Variants in UTRN observed in about 807,000 individuals in gnomAD.
UTRN encodes the protein dystrophin-related protein 1.
UTRN carries 283 observed loss-of-function variants against 463.9 expected under a neutral mutation model. The observed-to-expected ratio is 0.61, with a 90% confidence interval of 0.55 to 0.67. The LOEUF is 0.67. Ranked by LOEUF, UTRN falls within the 30% of genes least tolerant of loss-of-function variation. The pLI, the probability that UTRN is intolerant of heterozygous loss-of-function variation, is 0.00. For missense variants in UTRN, 3,922 were observed against 4,084.3 expected (o/e 0.96, Z 1.08); for synonymous variants, 1,442 against 1,431.5 (o/e 1.01, Z -0.17).
chr6:144,727,944 A>G (rs1788069027), intron 53 of UTRN, among the ~76,000 whole-genome samples: 1 of 152,012 alleles, frequency 6.6e-6, no homozygotes, highest in Non-Finnish European at 1.5e-5. Context: ...TATTAAAAGT[A>G]GAAAAATTAG....
intron 51 of UTRN, among the ~76,000 whole-genome samples, chr6:144,653,765 C>T (rs1156331624): frequency 1.3e-5 from 2 of 152,072 alleles, no homozygotes; most frequent in Non-Finnish European, 2.9e-5. Context: ...CACATGTTTG[C>T]AAATTCCTAG....
intron 61 of UTRN, 30 bp downstream of exon 61, chr6:144,782,153 C>A: frequency 6.6e-7 from 1 of 1,513,714 alleles, no homozygotes; most frequent in South Asian, 1.3e-5. Context: ...CATTAAAATA[C>A]GATCACTGAA....
Position 144,463,818 on chromosome 6 carries a change from A to C in UTRN, c.3066+952A>C, listed in dbSNP as rs374644204. ...TATCTCTGTATATCTATCTATCTAT[A>C]TATATAGATAGATAGATTCTCTTGG... is the stretch of plus-strand genomic sequence containing the variant. On this transcript the variant is annotated intron_variant, in intron 23 of 74. Transcript: ENST00000367545. Among the ~76,000 whole-genome samples, 41 of 151,716 alleles carry C rather than the reference A, an allele frequency of 2.7e-4. 1 individual carries two copies. The highest frequency in any genetic ancestry group is 8.3e-4 in the South Asian group (4 of 4,814).
intron 5 of UTRN, 45 bp from the exon 6 acceptor site, chr6:144,423,941 G>C (rs1306605493): frequency 3.2e-6 from 5 of 1,584,686 alleles, no homozygotes; most frequent in Non-Finnish European, 4.3e-6. Context: ...TGAAGAAATT[G>C]TCTTAAAAGC....
intron 34 of UTRN, among the ~76,000 whole-genome samples, chr6:144,503,833 A>G (rs947344606): frequency 3.3e-5 from 5 of 152,028 alleles, no homozygotes; most frequent in African/African-American, 1.2e-4. Context: ...AATTACTTTG[A>G]GCAGTATGGC....
intron 65 of UTRN, 29 bp from the exon 66 acceptor site, chr6:144,820,853 G>T: frequency 6.3e-7 from 1 of 1,598,862 alleles, no homozygotes; most frequent in South Asian, 1.1e-5. Flanking sequence ...ATTTTACTGA[G>T]AGAAGTGTAA....
chr6:144,423,100 G>C (rs1316408813), intron 4 of UTRN, among the ~76,000 whole-genome samples: 1 of 152,216 alleles, frequency 6.6e-6, no homozygotes, highest in Non-Finnish European at 1.5e-5. Flanking sequence ...GAATAAAGAG[G>C]ACACAATTTC....
chr6:144,412,805 C>T (rs933191119), intron 3 of UTRN, among the ~76,000 whole-genome samples: 11 of 150,190 alleles, frequency 7.3e-5, no homozygotes, highest in Non-Finnish European at 1.3e-4. Flanking sequence ...AACAATGGGA[C>T]TGGTAATTGA....
intron 53 of UTRN, among the ~76,000 whole-genome samples, chr6:144,715,696 C>CCCCCT (rs1183070216): frequency 1.4e-5 from 2 of 138,122 alleles, no homozygotes. Context: ...TCTCTCTTCC[C>CCCCCT]CCCCCACCCT....
Position 144,688,165 on chromosome 6 carries a change from A to G in UTRN, c.7652+9587A>G, listed in dbSNP as rs894112136. Among the ~76,000 whole-genome samples, 4 of 152,204 alleles carry G rather than the reference A, an allele frequency of 2.6e-5. No homozygotes were observed. The East Asian group carries it at 7.7e-4, about 29-fold the overall frequency. ...TTCTTTCTTATACTTAGTCTAATCT[A>G]TTAAAACTTTCCACTGCGTTTTGTA... is the stretch of plus-strand genomic sequence containing the variant. On this transcript the variant is annotated intron_variant, in intron 52 of 74. Transcript: ENST00000367545.
At chr6:144,346,875 C>CATCTATCT (rs5880591) in intron 2 of UTRN, among the ~76,000 whole-genome samples, 8,629 of 151,162 alleles carry the variant, frequency 0.057, 683 homozygotes, top group African/African-American at 0.18. Flanking sequence ...ATCTATGTAT[C>CATCTATCT]ATCTATCTAT....
chr6:144,411,605 T>C (rs534848173), intron 3 of UTRN, among the ~76,000 whole-genome samples: 188 of 152,312 alleles, frequency 1.2e-3, no homozygotes, highest in African/African-American at 4.1e-3. Context: ...TGACTTGTGA[T>C]TCCCTGAAAG....
At chr6:144,775,567 A>G (rs1244067558) in intron 60 of UTRN, among the ~76,000 whole-genome samples, 8 of 152,164 alleles carry the variant, frequency 5.3e-5, no homozygotes, top group Non-Finnish European at 1.0e-4. Flanking sequence ...GAGAATAGGA[A>G]GTAAATTACG....
intron 41 of UTRN, among the ~76,000 whole-genome samples, chr6:144,526,652 T>C (rs1796593989): frequency 1.3e-5 from 2 of 152,132 alleles, no homozygotes; most frequent in Admixed American, 6.5e-5. Context: ...CCGTATCTTT[T>C]AAATGAAGCA....
At chr6:144,580,162 A>C (rs1332850866) in intron 51 of UTRN, among the ~76,000 whole-genome samples, 1 of 152,178 alleles carries the variant, frequency 6.6e-6, no homozygotes, top group Non-Finnish European at 1.5e-5. Flanking sequence ...TGTTGGAGAA[A>C]ATGACTGTAC....
chr6:144,628,656 C>A (rs144371470), intron 51 of UTRN, among the ~76,000 whole-genome samples: 4 of 152,264 alleles, frequency 2.6e-5, no homozygotes, highest in Non-Finnish European at 4.4e-5. Flanking sequence ...TAACTCATAT[C>A]CTAAATAGAA....
chr6:144,499,309 TGAA>T lies in UTRN; in HGVS notation c.4650_4652del (p.Lys1551del). The T allele has an allele frequency of 6.2e-7, 1 of 1,613,442 alleles. No individual in the cohort carries two copies. Among genetic ancestry groups the T allele is most frequent in the Non-Finnish European group, 8.5e-7 (1 of 1,179,608 alleles). On this transcript the variant is annotated inframe_deletion, in exon 34 of 75. Coordinates refer to ENST00000367545, the MANE Select transcript of UTRN (RefSeq NM_007124.3). Reference sequence around the variant, plus strand: ...AGAGCATCACAGTTGGCCCGGAAAATGAAGAAAGAGGCTGCTTCTCTCTCTGAA... The same window carrying T: ...AGAGCATCACAGTTGGCCCGGAAAATGAAAGAGGCTGCTTCTCTCTCTGAA...
intron 53 of UTRN, among the ~76,000 whole-genome samples, chr6:144,725,663 G>A (rs1787794695): frequency 6.6e-6 from 1 of 152,192 alleles, no homozygotes; most frequent in Non-Finnish European, 1.5e-5. Context: ...TGTTCACCAG[G>A]TGGTTGGGAA....
At chr6:144,408,038 G>A (rs916424793) in intron 3 of UTRN, among the ~76,000 whole-genome samples, 1 of 152,184 alleles carries the variant, frequency 6.6e-6, no homozygotes, top group Non-Finnish European at 1.5e-5. Context: ...ATAGCCATAA[G>A]ACGCAATCGA....
Sources: allele counts gnomAD v4.1 joint callset (sites outside exome capture counted in the v4.1 genomes callset), GRCh38; gene constraint gnomAD v4.1.1; transcripts MANE v1.5; gene names NCBI Gene and HGNC (gene_info 2026-07-23, HGNC 2026-07-21).